The following B4GALT1 variants were observed in gnomAD, a reference collection of about 807,000 sequenced individuals.
B4GALT1 encodes N-acetyllactosamine synthase.
In B4GALT1, 16 loss-of-function variants were observed where a neutral mutation model predicts 34.9. The observed-to-expected ratio is 0.46, with a 90% confidence interval of 0.31 to 0.70. The LOEUF is 0.70. B4GALT1 is among the 30% of genes least tolerant of loss of function. B4GALT1 has a pLI of 0.05. For synonymous variants in B4GALT1, 221 were observed against 218.1 expected (o/e 1.01, Z -0.12); for missense variants, 445 against 530.5 (o/e 0.84, Z 1.58).
At chr9:33,126,344 G>A (rs1023892551) in intron 2 of B4GALT1, among the ~76,000 whole-genome samples, 4 of 152,214 alleles carry the variant, frequency 2.6e-5, no homozygotes, top group African/African-American at 9.7e-5. Flanking sequence ...AGAATTACTG[G>A]AAACAGCCTG....
chr9:33,135,633 G>C (rs547762015), intron 1 of B4GALT1, among the ~76,000 whole-genome samples: 1 of 152,342 alleles, frequency 6.6e-6, no homozygotes, highest in South Asian at 2.1e-4. Flanking sequence ...ACCCCCTTCA[G>C]TGTGGGGCAA....
At position 33,145,276 on chromosome 9, in the gene B4GALT1, C is replaced by T. The variant is rs571853605; in HGVS notation, c.413-9852G>A. 3.9e-5 allele frequency among the ~76,000 whole-genome samples: 6 copies of T among 152,240 alleles called. No individual in the cohort carries two copies. The South Asian group carries it at 1.2e-3, about 32-fold the overall frequency. ...CCTAGCATCTGACACTTTGTGGCAA[C>T]GGATGGCCTAACCTCCTAATAAAAA... On this transcript the variant is annotated intron_variant, in intron 1 of 5. Coordinates refer to ENST00000379731, the MANE Select transcript of B4GALT1 (RefSeq NM_001497.4).
At chr9:33,164,687 C>T (rs1840722484) in intron 1 of B4GALT1, among the ~76,000 whole-genome samples, 1 of 152,218 alleles carries the variant, frequency 6.6e-6, no homozygotes, top group Non-Finnish European at 1.5e-5. Flanking sequence ...TTGTCTCTTA[C>T]GCTTCTGAGA....
intron 1 of B4GALT1, among the ~76,000 whole-genome samples, chr9:33,155,688 C>G (rs1041837481): frequency 6.6e-6 from 1 of 152,214 alleles, no homozygotes; most frequent in Non-Finnish European, 1.5e-5. Context: ...CAGAGCCTCA[C>G]GCCTCTTCCT....
the B4GALT1 span, among the ~76,000 whole-genome samples, chr9:33,181,495 C>T: frequency 6.6e-6 from 1 of 151,004 alleles, no homozygotes; most frequent in South Asian, 2.1e-4. Context: ...TTTGCAGAAT[C>T]AACGTCTTCC....
intron 1 of B4GALT1, among the ~76,000 whole-genome samples, chr9:33,143,074 A>G (rs931673636): frequency 2.0e-5 from 3 of 152,160 alleles, no homozygotes; most frequent in African/African-American, 7.2e-5. Flanking sequence ...GAACCTGGGA[A>G]GTGGAGGCTG....
intron 1 of B4GALT1, among the ~76,000 whole-genome samples, chr9:33,138,622 G>A (rs920683188): frequency 1.3e-5 from 2 of 152,106 alleles, no homozygotes; most frequent in African/African-American, 2.4e-5. Flanking sequence ...TTTCTTGGAT[G>A]TCCATCTTTG....
intron 2 of B4GALT1, among the ~76,000 whole-genome samples, chr9:33,134,534 TTC>T (rs1220283238): frequency 6.6e-6 from 1 of 152,248 alleles, no homozygotes; most frequent in Admixed American, 6.5e-5. Flanking sequence ...ATCAATCTGA[TTC>T]TCCATGCCAT....
Position 33,115,984 on chromosome 9 carries a change from C to A in B4GALT1, c.959+7G>T. Reference sequence around the variant, plus strand: ...GAGGAGAAAGATATCTAAGTTATGACCATTACCTGTTAAAAATGTCATCAT... The same window carrying A: ...GAGGAGAAAGATATCTAAGTTATGAACATTACCTGTTAAAAATGTCATCAT... On this transcript the variant is annotated splice_region_variant and intron_variant, in intron 4 of 5. Transcript: ENST00000379731. 4 of 1,609,180 alleles carry A rather than the reference C, an allele frequency of 2.5e-6. No individual in the cohort carries two copies. The highest frequency in any genetic ancestry group is 8.5e-7 in the Non-Finnish European group (1 of 1,176,696).
At chr9:33,137,353 G>A (rs1840286340) in intron 1 of B4GALT1, among the ~76,000 whole-genome samples, 2 of 152,140 alleles carry the variant, frequency 1.3e-5, no homozygotes, top group African/African-American at 2.4e-5. Flanking sequence ...TACTCTCTGC[G>A]CTATCACAGA....
intron 1 of B4GALT1, among the ~76,000 whole-genome samples, chr9:33,137,949 T>G (rs1840294374): frequency 6.6e-6 from 1 of 152,208 alleles, no homozygotes; most frequent in Admixed American, 6.5e-5. Context: ...CACAGGGCTC[T>G]TTTCACTTCA....
At position 33,113,251 on chromosome 9, in the gene B4GALT1, G is replaced by A; in HGVS notation, c.*203C>T. The A allele has an allele frequency of 1.4e-6, 1 of 691,062 alleles. No homozygotes were observed. The highest frequency in any genetic ancestry group is 1.8e-5 in the African/African-American group (1 of 56,648). 42.8% of individuals were successfully genotyped at this position (691,062 alleles called of 1,614,324 possible). On this transcript the variant is annotated 3_prime_UTR_variant, in exon 6 of 6. Coordinates refer to ENST00000379731, the MANE Select transcript of B4GALT1 (RefSeq NM_001497.4). ...CCCGCAAAGGCATAAACACCTTGCAGAGCTAAGAATTCACATGCCGAGCCA... is the reference window on the plus strand; with the variant it reads ...CCCGCAAAGGCATAAACACCTTGCAAAGCTAAGAATTCACATGCCGAGCCA...
At chr9:33,118,447 C>A (rs1289216621) in intron 3 of B4GALT1, among the ~76,000 whole-genome samples, 1 of 151,956 alleles carries the variant, frequency 6.6e-6, no homozygotes, top group East Asian at 1.9e-4. Flanking sequence ...ATTGCTTGAG[C>A]CCCCAGGAGT....
intron 2 of B4GALT1, among the ~76,000 whole-genome samples, chr9:33,126,661 C>CCATTGTTAACATTTTT (rs1564040681): frequency 2.7e-5 from 1 of 37,112 alleles, no homozygotes; most frequent in African/African-American, 6.4e-5. Flanking sequence ...TTAACCATAG[C>CCATTGTTAACATTTTT]AATATGGTAG....
rs1032840532 is a variant in B4GALT1 at position 33,111,757 on chromosome 9, G to C, written c.*1697C>G. The C allele has an allele frequency of 1.3e-5, 2 of 152,352 alleles. No individual in the cohort carries two copies. Among genetic ancestry groups the C allele is most frequent in the African/African-American group, 2.4e-5 (1 of 41,328 alleles). The allele number at this position is 152,352 out of a possible 1,614,324, so 9.4% of individuals were successfully genotyped here. ...TGGAACCTGAGCCCAGGCTGGACCT[G>C]GCAAAGGCGCTCAGTGGTAGGAGTG... On this transcript the variant is annotated 3_prime_UTR_variant, in exon 6 of 6. Transcript: ENST00000379731.
upstream of B4GALT1, among the ~76,000 whole-genome samples, chr9:33,168,961 G>T (rs182245496): frequency 6.6e-6 from 1 of 152,286 alleles, no homozygotes; most frequent in East Asian, 1.9e-4. Context: ...AGGTGTCCTT[G>T]ATGTGCTTCT....
At position 33,113,044 on chromosome 9, in the gene B4GALT1, A is replaced by T. The variant is rs1334324996; in HGVS notation, c.*410T>A. 3.5e-6 allele frequency: 1 copy of T among 287,116 alleles called. No individual in the cohort carries two copies. Among genetic ancestry groups the T allele is most frequent in the East Asian group, 8.9e-5 (1 of 11,196 alleles). The allele number at this position is 287,116 out of a possible 1,614,324, so 17.8% of individuals were successfully genotyped here. On this transcript the variant is annotated 3_prime_UTR_variant, in exon 6 of 6. Transcript: ENST00000379731. Reference sequence around the variant, plus strand: ...TTACAACTACCAAAAAGATCACACCAATCCAATTTTAGCAGCACTCTCCGA... The same window carrying T: ...TTACAACTACCAAAAAGATCACACCTATCCAATTTTAGCAGCACTCTCCGA...
chr9:33,144,717 C>G (rs759945717), intron 1 of B4GALT1, among the ~76,000 whole-genome samples: 1 of 152,254 alleles, frequency 6.6e-6, no homozygotes, highest in Non-Finnish European at 1.5e-5. Flanking sequence ...AGTCCCCACT[C>G]CATATGCCTG....
chr9:33,139,507 T>C (rs567062041), intron 1 of B4GALT1, among the ~76,000 whole-genome samples: 1 of 152,218 alleles, frequency 6.6e-6, no homozygotes, highest in Non-Finnish European at 1.5e-5. Flanking sequence ...GCTCACACCT[T>C]TGAGACAACA....
Sources: allele counts gnomAD v4.1 joint callset (sites outside exome capture counted in the v4.1 genomes callset), GRCh38; gene constraint gnomAD v4.1.1; transcripts MANE v1.5; gene names NCBI Gene and HGNC (gene_info 2026-07-23, HGNC 2026-07-21).